Variants in CEP83 observed in about 807,000 individuals in gnomAD.
CEP83 encodes centrosomal protein of 83 kDa.
In CEP83, 70 loss-of-function variants were observed where a neutral mutation model predicts 101.9. That is an observed-to-expected ratio of 0.69 (90% CI 0.57 to 0.84). The LOEUF (loss-of-function observed/expected upper bound fraction) is 0.84, where lower values mean the gene tolerates loss of function less well. Ranked by LOEUF, CEP83 falls within the 40% of genes least tolerant of loss-of-function variation. CEP83 has a pLI of 0.00. For missense variants in CEP83, 715 were observed against 787.2 expected, an observed-to-expected ratio of 0.91 and a Z score of 1.10; for synonymous variants, 264 against 267.9, an observed-to-expected ratio of 0.99 and a Z score of 0.14.
At chr12:94,459,532 GT>G in intron 1 of CEP83, 24 bp downstream of exon 1, 1 of 152,440 alleles carries the variant, frequency 6.6e-6, no homozygotes, top group South Asian at 2.1e-4. Context: ...ACAAGACACC[GT>G]CCCCAGAAAG....
rs550075396 is a variant in CEP83, at chr12:94,350,318, T to G, written c.1344-14654A>C. Among the ~76,000 whole-genome samples, 252 of 152,244 alleles carry G rather than the reference T, an allele frequency of 1.7e-3. 1 individual carries two copies. The highest frequency in any genetic ancestry group is 5.7e-3 in the African/African-American group (235 of 41,548). On this transcript the variant is annotated intron_variant, in intron 11 of 16. Transcript: ENST00000397809. ...TAAGCAACTGGAATAGAATACAGAA[T>G]GAGTAAATAAACCCTCCCATATACG...
chr12:94,388,584 T>A (rs1224149666), intron 6 of CEP83, among the ~76,000 whole-genome samples: 1 of 151,980 alleles, frequency 6.6e-6, no homozygotes, highest in Non-Finnish European at 1.5e-5. Flanking sequence ...AACCCCTGAA[T>A]CTAAAATAAA....
chr12:94,436,383 A>AT (rs760312017), intron 1 of CEP83, among the ~76,000 whole-genome samples: 4 of 152,172 alleles, frequency 2.6e-5, no homozygotes, highest in Non-Finnish European at 4.4e-5. Flanking sequence ...AATATACATC[A>AT]TAAAAAAAAG....
At chr12:94,377,502 T>C (rs142842452) in intron 7 of CEP83, among the ~76,000 whole-genome samples, 2 of 152,300 alleles carry the variant, frequency 1.3e-5, no homozygotes, top group African/African-American at 4.8e-5. Flanking sequence ...AAGGACTATA[T>C]TCGACAAACA....
At chr12:94,321,153 C>T (rs2058728773) in intron 14 of CEP83, among the ~76,000 whole-genome samples, 1 of 152,154 alleles carries the variant, frequency 6.6e-6, no homozygotes, top group Non-Finnish European at 1.5e-5. Context: ...TCAGCTTGGT[C>T]TCTCTCTTCT....
chr12:94,337,958 A>G (rs1359861341), intron 11 of CEP83, among the ~76,000 whole-genome samples: 1 of 152,186 alleles, frequency 6.6e-6, no homozygotes, highest in Non-Finnish European at 1.5e-5. Flanking sequence ...AACATCGAAC[A>G]GTTTCCAAGC....
intron 11 of CEP83, among the ~76,000 whole-genome samples, chr12:94,340,343 A>G (rs963230618): frequency 6.6e-6 from 1 of 152,126 alleles, no homozygotes; most frequent in Non-Finnish European, 1.5e-5. Flanking sequence ...AGACATGGGC[A>G]TATAACCTTG....
chr12:94,363,830 C>T (rs1033633956), intron 11 of CEP83, among the ~76,000 whole-genome samples: 15 of 151,776 alleles, frequency 9.9e-5, no homozygotes, highest in Admixed American at 7.9e-4. Flanking sequence ...CGCCTTTAAT[C>T]CCAGCTACTT....
chr12:94,343,049 C>T (rs11837614), intron 11 of CEP83, among the ~76,000 whole-genome samples: 85,106 of 151,480 alleles, frequency 0.56, 23,926 homozygotes, highest in African/African-American at 0.58. Flanking sequence ...GTTAACAAGG[C>T]AGATCCTATG....
At chr12:94,406,479 G>T (rs1325421058) in intron 4 of CEP83, among the ~76,000 whole-genome samples, 1 of 151,486 alleles carries the variant, frequency 6.6e-6, no homozygotes, top group East Asian at 1.9e-4. Context: ...GAGAGTGAGT[G>T]TGTGTGTGTG....
chr12:94,332,925 C>T (rs778778056), intron 13 of CEP83, among the ~76,000 whole-genome samples: 7 of 151,356 alleles, frequency 4.6e-5, no homozygotes, highest in Non-Finnish European at 8.8e-5. Flanking sequence ...CAAAATAGTA[C>T]AGTGTTCTAC....
At chr12:94,427,874 A>G (rs972936062) in intron 2 of CEP83, among the ~76,000 whole-genome samples, 2 of 152,172 alleles carry the variant, frequency 1.3e-5, no homozygotes, top group African/African-American at 4.8e-5. Context: ...TTGGATAGCC[A>G]TCCAGGATGT....
chr12:94,312,972 C>G lies in CEP83; in HGVS notation c.1753G>C (p.Val585Leu). The part of the protein sequence containing the change: ...ENKLKRLQEK[V>L]EVLEAKKEEL... The stretch of plus-strand genomic sequence containing the variant: ...TCTTTCTTTGCCTCCAAGACTTCTA[C>G]TTTCTCTTGTAGTCTTTTCAATTTG... The change falls in exon 15 of 17, where the codon GTA becomes CTA. Residue 585 changes from valine to leucine, a missense_variant. Coordinates refer to ENST00000397809, the MANE Select transcript of CEP83 (RefSeq NM_016122.3). The G allele has an allele frequency of 6.3e-7, 1 of 1,590,996 alleles. No homozygotes were observed. The highest frequency in any genetic ancestry group is 8.6e-7 in the Non-Finnish European group (1 of 1,163,672).
At chr12:94,304,346 A>C, downstream of CEP83, 1 of 269,736 alleles carries the variant, frequency 3.7e-6, no homozygotes, top group South Asian at 1.1e-4. Context: ...GGCCCTATTA[A>C]ATGGGGTCAG....
intron 11 of CEP83, among the ~76,000 whole-genome samples, chr12:94,356,963 C>A (rs557989058): frequency 6.6e-6 from 1 of 152,178 alleles, no homozygotes; most frequent in African/African-American, 2.4e-5. Flanking sequence ...TAGAGGTGTG[C>A]ACATTAGAGC....
intron 2 of CEP83, among the ~76,000 whole-genome samples, chr12:94,428,124 G>GC (rs1321016495): frequency 1.3e-5 from 2 of 152,224 alleles, no homozygotes; most frequent in Non-Finnish European, 2.9e-5. Context: ...GTCTGCCTCT[G>GC]CACAGCTTAA....
intron 2 of CEP83, chr12:94,424,179 C>T (rs75491620): frequency 6.2e-7 from 1 of 1,605,376 alleles, no homozygotes; most frequent in South Asian, 1.1e-5. Context: ...TTATAAGGGG[C>T]TGGGTAAAAC....
At chr12:94,318,222 T>C (rs900089645) in intron 14 of CEP83, among the ~76,000 whole-genome samples, 4 of 152,178 alleles carry the variant, frequency 2.6e-5, no homozygotes, top group Admixed American at 6.6e-5. Flanking sequence ...AGCTTGGCTG[T>C]TGGTGTACAG....
chr12:94,378,993 T>A lies in CEP83; in HGVS notation c.599A>T (p.Asn200Ile). The change falls in exon 7 of 17, where the codon AAT (asparagine) becomes ATT (isoleucine). Residue 200 changes from asparagine (N) to isoleucine (I), a missense_variant. Transcript: ENST00000397809. ...TTTGCTGTCTTTTGTGAGATCAACATTAAGCAGCTGGTTACGTAGTTCTTC... is the reference window on the plus strand; with the variant it reads ...TTTGCTGTCTTTTGTGAGATCAACAATAAGCAGCTGGTTACGTAGTTCTTC... Reference protein sequence around the residue: ...DKEELRNQLLNVDLTKDSKRV... With the variant: ...DKEELRNQLLIVDLTKDSKRV... 3 of 1,613,404 alleles carry A rather than the reference T, an allele frequency of 1.9e-6. No homozygotes were observed. The highest frequency in any genetic ancestry group is 2.5e-6 in the Non-Finnish European group (3 of 1,179,408).
Sources: allele counts gnomAD v4.1 joint callset (sites outside exome capture counted in the v4.1 genomes callset), GRCh38; gene constraint gnomAD v4.1.1; transcripts MANE v1.5; gene names NCBI Gene and HGNC (gene_info 2026-07-23, HGNC 2026-07-21).